The following VDAC2 variants were observed in gnomAD, a reference collection of about 807,000 sequenced individuals.
VDAC2 encodes the protein voltage dependent anion channel 2, also known as non-selective voltage-gated ion channel VDAC2.
VDAC2 carries 6 observed loss-of-function variants against 36.6 expected under a neutral mutation model. The ratio of observed to expected loss-of-function variants is 0.16; its 90% CI spans 0.09 to 0.32. The LOEUF is 0.32. Among genes scored for constraint, VDAC2 ranks in the 10% least tolerant of loss-of-function variants. The pLI is 1.00. For missense variants in VDAC2, 247 were observed against 346.0 expected, an observed-to-expected ratio of 0.71 and a Z score of 2.27; for synonymous variants, 109 against 123.8, an observed-to-expected ratio of 0.88 and a Z score of 0.79.
chr10:75,228,046 C>G (rs371935196), intron 8 of VDAC2, among the ~76,000 whole-genome samples: 2 of 151,848 alleles, frequency 1.3e-5, no homozygotes, highest in East Asian at 1.9e-4. Flanking sequence ...AGGTGCCCAC[C>G]ACCACGCCCG....
Position 75,220,973 on chromosome 10 carries a change from A to G in VDAC2, c.584+3A>G. ...GACTTCCAGCTACACACTAATGTGTAAGTATTTCTTTCATAGGATACTGTG... is the reference window on the plus strand; with the variant it reads ...GACTTCCAGCTACACACTAATGTGTGAGTATTTCTTTCATAGGATACTGTG... On this transcript the variant is annotated splice_donor_region_variant and intron_variant, in intron 7 of 9. Transcript: ENST00000332211. 1 of 1,611,594 alleles carries G rather than the reference A, an allele frequency of 6.2e-7. No homozygotes were observed. The highest frequency in any genetic ancestry group is 8.5e-7 in the Non-Finnish European group (1 of 1,178,250).
At chr10:75,214,630 T>A (rs889846192) in intron 4 of VDAC2, among the ~76,000 whole-genome samples, 12 of 152,322 alleles carry the variant, frequency 7.9e-5, no homozygotes, top group African/African-American at 2.9e-4. Flanking sequence ...GTTCAGGTGA[T>A]TCTCTTGCCT....
intron 4 of VDAC2, among the ~76,000 whole-genome samples, chr10:75,215,593 C>A (rs1247270582): frequency 6.6e-6 from 1 of 152,150 alleles, no homozygotes; most frequent in African/African-American, 2.4e-5. Context: ...ACCTCATGAT[C>A]TGCCCACCTC....
chr10:75,211,471 T>G (rs1488931467), intron 2 of VDAC2: 9 of 1,510,116 alleles, frequency 6.0e-6, no homozygotes, highest in African/African-American at 1.4e-5. Context: ...TTGGGGATTC[T>G]GCCTTTGGAG....
intron 8 of VDAC2, among the ~76,000 whole-genome samples, chr10:75,225,853 C>T (rs901186022): frequency 1.3e-5 from 2 of 151,936 alleles, no homozygotes; most frequent in East Asian, 1.9e-4. Context: ...AGTGCAGTGG[C>T]GTGATCTCGG....
chr10:75,217,112 C>T (rs547380078), intron 4 of VDAC2, among the ~76,000 whole-genome samples: 5 of 152,230 alleles, frequency 3.3e-5, no homozygotes, highest in Admixed American at 2.6e-4. Flanking sequence ...TAAAAATTAG[C>T]TGTGCTTGTT....
In VDAC2 at chr10:75,217,816, T is replaced by C; in HGVS notation, c.151-1247T>C. The C allele has an allele frequency of 3.3e-6, 3 of 915,446 alleles. No homozygotes were observed. In the South Asian group the frequency reaches 4.8e-5, roughly 15 times the overall value. 56.7% of individuals were successfully genotyped at this position (915,446 alleles called of 1,614,324 possible). Reference sequence around the variant, plus strand: ...AGCAGAGCAATAGTTATACAAATGTTCTATTTTCTGAGAGAAGGTTGACTG... The same window carrying C: ...AGCAGAGCAATAGTTATACAAATGTCCTATTTTCTGAGAGAAGGTTGACTG... On this transcript the variant is annotated intron_variant, in intron 4 of 9. Transcript: ENST00000332211.
chr10:75,218,969 T>C (rs1841704209), intron 4 of VDAC2, 94 bp from the exon 5 acceptor site: 41 of 1,314,844 alleles, frequency 3.1e-5, no homozygotes, highest in Non-Finnish European at 4.1e-5. Context: ...ATTTACCAAA[T>C]GTTTCAGGGG....
At chr10:75,211,267 C>G in intron 2 of VDAC2, 78 bp downstream of exon 2, 2 of 1,554,294 alleles carry the variant, frequency 1.3e-6, no homozygotes, top group Middle Eastern at 1.7e-4. Flanking sequence ...GTTTGTTTCC[C>G]CCTATCTTTC....
At chr10:75,210,768 CG>C (rs200341144), upstream of VDAC2, 1,450 of 176,108 alleles carry the variant, frequency 8.2e-3, 19 homozygotes, top group African/African-American at 0.032. Context: ...CGGACAGCCC[CG>C]GGGGCAGCGG....
chr10:75,223,656 G>T (rs889467745), intron 8 of VDAC2, among the ~76,000 whole-genome samples: 3 of 152,180 alleles, frequency 2.0e-5, no homozygotes, highest in Non-Finnish European at 4.4e-5. Context: ...TTGGAATCCC[G>T]AAAGTATTAA....
chr10:75,213,471 G>A (rs1413004010), intron 3 of VDAC2, among the ~76,000 whole-genome samples: 1 of 152,166 alleles, frequency 6.6e-6, no homozygotes, highest in African/African-American at 2.4e-5. Context: ...GGGGCTGGGC[G>A]TGGTGGCTCA....
intron 4 of VDAC2, among the ~76,000 whole-genome samples, chr10:75,218,439 TAAAATCACCTTAGC>T (rs955141658): frequency 2.0e-4 from 31 of 152,242 alleles, no homozygotes; most frequent in African/African-American, 7.2e-4. Context: ...GAATCCCAAA[TAAAATCACCTTAGC>T]AAAACCTTCC....
chr10:75,221,344 T>C (rs1590007253), intron 7 of VDAC2, among the ~76,000 whole-genome samples: 1 of 152,158 alleles, frequency 6.6e-6, no homozygotes, highest in African/African-American at 2.4e-5. Flanking sequence ...TTTTTCTTTT[T>C]CTTTTTTCTT....
chr10:75,212,810 A>G (rs1049962142), intron 3 of VDAC2, among the ~76,000 whole-genome samples: 39 of 152,224 alleles, frequency 2.6e-4, no homozygotes, highest in Non-Finnish European at 3.7e-4. Flanking sequence ...TAAAAACTGT[A>G]CTTAGAAGAT....
rs147954706 is a variant in VDAC2 at position 75,226,451 on chromosome 10, G to GTTTTT, written c.736-3174_736-3170dup. On this transcript the variant is annotated intron_variant, in intron 8 of 9. Coordinates refer to ENST00000332211, the MANE Select transcript of VDAC2 (RefSeq NM_001391963.1). ...AAAAGTGAAAGACAGTCTTTTGTGG[G>GTTTTT]TTTTTTTTTTTTTTTTTTTTTTTAA... Among the ~76,000 whole-genome samples, 285 of 100,888 alleles carry GTTTTT rather than the reference G, an allele frequency of 2.8e-3. 4 individuals carry two copies. The highest frequency in any genetic ancestry group is 0.011 in the African/African-American group (272 of 25,252). The allele number at this position is 100,888 out of a possible 152,430, so 66.2% of individuals were successfully genotyped here.
chr10:75,217,908 A>T (rs1466741916), intron 4 of VDAC2: 1 of 1,287,232 alleles, frequency 7.8e-7, no homozygotes, highest in Non-Finnish European at 1.0e-6. Flanking sequence ...TTCTGGCTGT[A>T]GTCTCTTTAT....
chr10:75,218,588 T>G (rs1421547533), intron 4 of VDAC2, among the ~76,000 whole-genome samples: 2 of 152,050 alleles, frequency 1.3e-5, no homozygotes, highest in Non-Finnish European at 2.9e-5. Context: ...ATGGTGAAAC[T>G]CCATCTGTAC....
chr10:75,222,442 T>C (rs1841840947), intron 8 of VDAC2, 40 bp downstream of exon 8: 1 of 1,610,748 alleles, frequency 6.2e-7, no homozygotes, highest in South Asian at 1.1e-5. Flanking sequence ...GTTTTGGTTG[T>C]GGGAATGAGT....
Sources: allele counts gnomAD v4.1 joint callset (sites outside exome capture counted in the v4.1 genomes callset), GRCh38; gene constraint gnomAD v4.1.1; transcripts MANE v1.5; gene names NCBI Gene and HGNC (gene_info 2026-07-23, HGNC 2026-07-21).